GTF2A1L: variants seen among roughly 807,000 people sequenced by gnomAD.
GTF2A1L encodes the protein TFIIA-alpha and beta-like factor.
Under a neutral mutation model 49.7 loss-of-function variants are expected in GTF2A1L, and 48 were observed. The ratio of observed to expected loss-of-function variants is 0.97; its 90% CI spans 0.77 to 1.23. The LOEUF (loss-of-function observed/expected upper bound fraction) is 1.23. Among genes scored for constraint, GTF2A1L ranks in the 50% most tolerant of loss-of-function variants. GTF2A1L has a pLI of 0.00. For synonymous variants in GTF2A1L, 246 were observed against 193.5 expected (o/e 1.27, Z -2.25); for missense variants, 736 against 564.8 (o/e 1.30, Z -3.07).
intron 6 of GTF2A1L, chr2:48,668,805 A>T (rs1157093059): frequency 2.0e-5 from 3 of 151,994 alleles, no homozygotes; most frequent in East Asian, 3.9e-4. Flanking sequence ...ACTGCACTCC[A>T]GCCTGGGCGA....
rs540583989 is a variant in GTF2A1L at position 48,641,661 on chromosome 2, GTTA to G, written c.248-735_248-733del. ...GATCAACTAAGATCCTTCTACTGTA[GTTA>G]TTATTTTTTCTTTATGCTTATTTTT... On this transcript the variant is annotated intron_variant, in intron 3 of 8. Coordinates refer to ENST00000403751, the MANE Select transcript of GTF2A1L (RefSeq NM_006872.5). Among the ~76,000 whole-genome samples, 568 of 152,224 alleles carry G rather than the reference GTTA, an allele frequency of 3.7e-3. 8 individuals are homozygous for G. The highest frequency in any genetic ancestry group is 0.013 in the African/African-American group (548 of 41,554).
At chr2:48,653,927 A>AAAAAG (rs1237689195) in intron 6 of GTF2A1L, among the ~76,000 whole-genome samples, 5 of 46,842 alleles carry the variant, frequency 1.1e-4, no homozygotes, top group African/African-American at 2.2e-4. Context: ...TCTCAAAAAA[A>AAAAAG]AAAAAAAAAA....
chr2:48,621,117 T>C (rs1675972139), intron 2 of GTF2A1L, 50 bp from the exon 3 acceptor site: 4 of 1,571,096 alleles, frequency 2.5e-6, no homozygotes, highest in Non-Finnish European at 3.4e-6. Flanking sequence ...GAAGTATCAT[T>C]ATATGTGTAT....
At chr2:48,663,328 C>T (rs778884007) in intron 6 of GTF2A1L, among the ~76,000 whole-genome samples, 13 of 152,020 alleles carry the variant, frequency 8.6e-5, no homozygotes, top group East Asian at 7.8e-4. Context: ...TCCAGCTTCT[C>T]GGGAGGATGA....
At chr2:48,651,679 C>T (rs1677855574) in intron 6 of GTF2A1L, among the ~76,000 whole-genome samples, 1 of 152,048 alleles carries the variant, frequency 6.6e-6, no homozygotes, top group Non-Finnish European at 1.5e-5. Context: ...ATATTAGAGC[C>T]ACGGTTTTGA....
At chr2:48,619,804 T>C (rs185579796) in intron 1 of GTF2A1L, among the ~76,000 whole-genome samples, 28 of 152,348 alleles carry the variant, frequency 1.8e-4, no homozygotes, top group Non-Finnish European at 3.7e-4. Context: ...TTTGTTGCTA[T>C]AACTAGTGTT....
intron 4 of GTF2A1L, among the ~76,000 whole-genome samples, chr2:48,643,945 C>T (rs1677350542): frequency 1.3e-5 from 2 of 152,028 alleles, no homozygotes; most frequent in African/African-American, 4.8e-5. Flanking sequence ...GTGATCCACC[C>T]ACCATGGCCT....
intron 8 of GTF2A1L, 134 bp from the exon 9 acceptor site, chr2:48,679,201 A>T: frequency 8.6e-7 from 1 of 1,157,756 alleles, no homozygotes. Context: ...GAATAAACAA[A>T]CTATCTTGAG....
intron 1 of GTF2A1L, among the ~76,000 whole-genome samples, chr2:48,618,953 C>T (rs1271906760): frequency 1.3e-5 from 2 of 152,134 alleles, no homozygotes; most frequent in East Asian, 3.9e-4. Flanking sequence ...GAGTTTTTTC[C>T]TTCGGTGTTA....
rs1317152109 is a variant in GTF2A1L, at chr2:48,679,456, A to C, written c.*14A>C. 1.6e-5 allele frequency: 25 copies of C among 1,610,974 alleles called. No individual in the cohort carries two copies. The highest frequency in any genetic ancestry group is 2.1e-5 in the Non-Finnish European group (25 of 1,178,474). On this transcript the variant is annotated 3_prime_UTR_variant, in exon 9 of 9. Transcript: ENST00000403751. Reference sequence around the variant, plus strand: ...GCAGAGTGGTAAACCTTGTGAGCTCAGTACATCTATTTTGTGAACATCAGT... The same window carrying C: ...GCAGAGTGGTAAACCTTGTGAGCTCCGTACATCTATTTTGTGAACATCAGT...
intron 3 of GTF2A1L, among the ~76,000 whole-genome samples, chr2:48,642,045 A>G (rs1287813729): frequency 6.6e-6 from 1 of 152,216 alleles, no homozygotes; most frequent in Non-Finnish European, 1.5e-5. Flanking sequence ...TAACATATTT[A>G]TGCTCAATAT....
At chr2:48,638,273 A>G (rs1305559385) in intron 3 of GTF2A1L, among the ~76,000 whole-genome samples, 3 of 152,202 alleles carry the variant, frequency 2.0e-5, no homozygotes, top group African/African-American at 4.8e-5. Flanking sequence ...GAGAGACACA[A>G]CAAAGAAACC....
intron 6 of GTF2A1L, among the ~76,000 whole-genome samples, chr2:48,649,052 A>G (rs1204321402): frequency 6.6e-6 from 1 of 152,176 alleles, no homozygotes; most frequent in Non-Finnish European, 1.5e-5. Context: ...GTAAGGATCT[A>G]TGTTGTTTGA....
At chr2:48,667,152 T>C (rs1678894800) in intron 6 of GTF2A1L, among the ~76,000 whole-genome samples, 2 of 150,342 alleles carry the variant, frequency 1.3e-5, no homozygotes, top group Admixed American at 6.7e-5. Context: ...AGAGATGGGA[T>C]CTTGCTATGT....
intron 6 of GTF2A1L, among the ~76,000 whole-genome samples, chr2:48,649,860 A>G (rs1677749447): frequency 6.6e-6 from 1 of 152,174 alleles, no homozygotes; most frequent in South Asian, 2.1e-4. Context: ...CCTCACATGA[A>G]TATACTTTAC....
At chr2:48,634,941 G>A (rs1436050344) in intron 3 of GTF2A1L, among the ~76,000 whole-genome samples, 1 of 152,210 alleles carries the variant, frequency 6.6e-6, no homozygotes, top group Non-Finnish European at 1.5e-5. Flanking sequence ...AAGCACTGAA[G>A]CTGAGGGAGA....
At chr2:48,647,102 A>T in intron 6 of GTF2A1L, 60 bp downstream of exon 6, 9 of 1,326,684 alleles carry the variant, frequency 6.8e-6, no homozygotes, top group Non-Finnish European at 9.1e-6. Flanking sequence ...GTAACTGGAT[A>T]TCCTGAATAT....
intron 6 of GTF2A1L, among the ~76,000 whole-genome samples, chr2:48,655,159 C>T (rs1490818964): frequency 6.6e-6 from 1 of 151,414 alleles, no homozygotes; most frequent in East Asian, 1.9e-4. Context: ...AGGTTTTTGA[C>T]TTCTGTTACT....
chr2:48,660,719 C>A (rs1279750819), intron 6 of GTF2A1L, among the ~76,000 whole-genome samples: 1 of 152,090 alleles, frequency 6.6e-6, no homozygotes, highest in East Asian at 1.9e-4. Flanking sequence ...TGGCTCACTG[C>A]AACCTCTGCC....
Sources: gnomAD v4.1 joint callset for allele counts (sites outside exome capture counted in the v4.1 genomes callset) on GRCh38, gnomAD v4.1.1 for gene constraint, MANE v1.5 for transcripts, NCBI Gene and HGNC (gene_info 2026-07-23, HGNC 2026-07-21) for gene names.